Variants in PLEKHG3 observed in about 807,000 individuals in gnomAD.
PLEKHG3 encodes the protein pleckstrin homology domain-containing family G member 3.
A neutral mutation model predicts 94.9 loss-of-function variants in PLEKHG3; 62 were observed. The ratio of observed to expected loss-of-function variants is 0.65; its 90% CI spans 0.53 to 0.81. PLEKHG3 has a LOEUF of 0.81. Among genes scored for constraint, PLEKHG3 ranks in the 30% least tolerant of loss-of-function variants. The pLI, the probability that PLEKHG3 is intolerant of heterozygous loss-of-function variation, is 0.00. For synonymous variants in PLEKHG3, 614 were observed against 654.0 expected, an observed-to-expected ratio of 0.94 and a Z score of 0.93; for missense variants, 1,461 against 1,619.3, an observed-to-expected ratio of 0.90 and a Z score of 1.68.
Position 64,749,602 on chromosome 14 carries a change from C to T in PLEKHG3, c.*5899C>T. 1.2e-6 allele frequency: 2 copies of T among 1,611,372 alleles called. No homozygotes were observed. Among genetic ancestry groups the T allele is most frequent in the Non-Finnish European group, 1.7e-6 (2 of 1,179,484 alleles). ...GCCTCCAGGGCAAGCGGCCTGGGGT[C>T]CTCCACCTACCCCCTTCTTAGCCAG... On this transcript the variant is annotated 3_prime_UTR_variant, in exon 17 of 17. Transcript: ENST00000247226. This position sits in a 1 kb window ranked among gnomAD's most constrained non-coding sequence, Gnocchi z 4.7.
rs138167918 is a variant in PLEKHG3 at position 64,742,341 on chromosome 14, C to G, written c.2824C>G (p.Pro942Ala). 142 of 1,613,082 alleles carry G rather than the reference C, an allele frequency of 8.8e-5. No individual in the cohort carries two copies. In the African/African-American group the frequency reaches 1.0e-3, roughly 11 times the overall value. ...CAGCCTCCGGATCAAGAGCAACAAG[C>G]CAGTGATGGCCAGGCCACCACTGCA... Reference protein sequence around the residue: ...QYSLRIKSNKPVMARPPLQWE... With the variant: ...QYSLRIKSNKAVMARPPLQWE... The change falls in exon 16 of 17, where the codon CCA becomes GCA. Residue 942 changes from proline (P) to alanine (A), a missense_variant. By Grantham distance (27) the Pro-to-Ala change is conservative (BLOSUM62 -1). Transcript: ENST00000247226.
intron 12 of PLEKHG3, among the ~76,000 whole-genome samples, chr14:64,735,235 T>G (rs1202522938): frequency 6.6e-6 from 1 of 152,200 alleles, no homozygotes; most frequent in African/African-American, 2.4e-5. Context: ...TTCACGGTTC[T>G]TCTGTAACAC....
In PLEKHG3 at chr14:64,730,839, C is replaced by A. The variant is rs2081444354; in HGVS notation, c.607C>A (p.Gln203Lys). 2 of 1,613,556 alleles carry A rather than the reference C, an allele frequency of 1.2e-6. No individual in the cohort carries two copies. Among genetic ancestry groups the A allele is most frequent in the Admixed American group, 1.7e-5 (1 of 60,024 alleles). Reference protein sequence around the residue: ...ALTECMRDKQQAKFFRDRQEL... With the variant: ...ALTECMRDKQKAKFFRDRQEL... ...GACGGAATGCATGCGGGACAAGCAGCAGGCCAAGTTCTTTCGGGACCGGCA... is the reference window on the plus strand; with the variant it reads ...GACGGAATGCATGCGGGACAAGCAGAAGGCCAAGTTCTTTCGGGACCGGCA... The change falls in exon 6 of 17, where the codon CAG becomes AAG. Residue 203 changes from glutamine (Q) to lysine (K), a missense_variant. Physicochemically the swap from Gln to Lys is moderately conservative, Grantham distance 53. Transcript: ENST00000247226. The surrounding 1 kb of genome is among the most constrained non-coding windows in gnomAD (Gnocchi z 5.4).
rs1170587496 is a variant in PLEKHG3 at position 64,715,135 on chromosome 14, A to T, written c.-40+10431A>T. Among the ~76,000 whole-genome samples the T allele has an allele frequency of 6.6e-6, 1 of 152,172 alleles. No individual in the cohort carries two copies. The highest frequency in any genetic ancestry group is 1.5e-5 in the Non-Finnish European group (1 of 68,024). ...TTTTGGAGGCATCTACAGGTGAGTT[A>T]TGAATTCCCAGGTGACTCTATTTGG... On this transcript the variant is annotated intron_variant, in intron 1 of 16. Coordinates refer to ENST00000247226, the MANE Select transcript of PLEKHG3 (RefSeq NM_001308147.2). This position sits in a 1 kb window ranked among gnomAD's most constrained non-coding sequence, Gnocchi z 4.4.
At position 64,741,332 on chromosome 14, in the gene PLEKHG3, T is replaced by C. The variant is rs1363587346; in HGVS notation, c.1815T>C (p.Ile605=). The change falls in exon 16 of 17, where the codon ATT becomes ATC. Residue 605 remains isoleucine, a synonymous_variant. Transcript: ENST00000247226. ...CTGTGCTGGACCAGGCCAGCGTCAT[T>C]GCGGAGCGATTTGTCAGCAGCTTCT... is the stretch of plus-strand genomic sequence containing the variant. ...PPSVLDQASV[I]AERFVSSFSR... The C allele has an allele frequency of 1.9e-6, 3 of 1,613,514 alleles. No individual in the cohort carries two copies. Among genetic ancestry groups the C allele is most frequent in the African/African-American group, 2.7e-5 (2 of 74,996 alleles).
chr14:64,722,499 C>T lies in PLEKHG3; in HGVS notation c.-39-5094C>T, dbSNP rs1555359999. 6.6e-6 allele frequency among the ~76,000 whole-genome samples: 1 copy of T among 152,168 alleles called. No individual in the cohort carries two copies. Among genetic ancestry groups the T allele is most frequent in the Non-Finnish European group, 1.5e-5 (1 of 68,036 alleles). The stretch of plus-strand genomic sequence containing the variant: ...CCTCCCAAAGTGCTGGGATTACAGG[C>T]GTGAGCCACTGCGCCTGGCCACGAG... On this transcript the variant is annotated intron_variant, in intron 1 of 16. Coordinates refer to ENST00000247226, the MANE Select transcript of PLEKHG3 (RefSeq NM_001308147.2). The surrounding 1 kb of genome is among the most constrained non-coding windows in gnomAD (Gnocchi z 4.3).
In PLEKHG3 at chr14:64,738,923, A is replaced by T. The variant is rs898267525; in HGVS notation, c.1518+68A>T. 3 of 1,003,828 alleles carry T rather than the reference A, an allele frequency of 3.0e-6. No homozygotes were observed. Among genetic ancestry groups the T allele is most frequent in the Non-Finnish European group, 4.6e-6 (3 of 648,856 alleles). 62.2% of individuals were successfully genotyped at this position (1,003,828 alleles called of 1,614,324 possible). A position where few individuals can be genotyped will look rare whatever the true frequency, so the allele number is the denominator to read the frequency against. On this transcript the variant is annotated intron_variant, in intron 15 of 16. Coordinates refer to ENST00000247226, the MANE Select transcript of PLEKHG3 (RefSeq NM_001308147.2). This position sits in a 1 kb window ranked among gnomAD's most constrained non-coding sequence, Gnocchi z 4.8. Reference sequence around the variant, plus strand: ...GGAGTCCAGATTTTCAAGTCTGCAAATAGGGCTTTCAGGCACAGGCTCTCC... The same window carrying T: ...GGAGTCCAGATTTTCAAGTCTGCAATTAGGGCTTTCAGGCACAGGCTCTCC...
chr14:64,727,496 T>TTCCCCCCCCCCCC lies in PLEKHG3; in HGVS notation c.-39-93_-39-92insCCCCCCCCCTCCC. The TTCCCCCCCCCCCC allele has an allele frequency of 3.4e-6, 2 of 588,606 alleles. No individual in the cohort carries two copies. Among genetic ancestry groups the TTCCCCCCCCCCCC allele is most frequent in the Admixed American group, 3.0e-5 (1 of 33,874 alleles). The allele number at this position is 588,606 out of a possible 1,614,324, so 36.5% of individuals were successfully genotyped here. ...AACTCTGGATGCACTAAATAATACC[T>TTCCCCCCCCCCCC]TCCCACCCCACCTGCCCCCACCCCT... On this transcript the variant is annotated intron_variant, in intron 1 of 16. Transcript: ENST00000247226. This position sits in a 1 kb window ranked among gnomAD's most constrained non-coding sequence, Gnocchi z 6.0.
intron 12 of PLEKHG3, among the ~76,000 whole-genome samples, chr14:64,736,091 G>A (rs374171863): frequency 2.0e-4 from 30 of 152,332 alleles, no homozygotes; most frequent in South Asian, 6.2e-4. Context: ...AAATCATGGC[G>A]ATCCCTGGGC....
rs951951524 is a variant in PLEKHG3 at position 64,741,458 on chromosome 14, C to A, written c.1941C>A (p.Ser647Arg). 7 of 1,612,656 alleles carry A rather than the reference C, an allele frequency of 4.3e-6. No individual in the cohort carries two copies. The highest frequency in any genetic ancestry group is 5.9e-6 in the Non-Finnish European group (7 of 1,179,978). The change falls in exon 16 of 17, where the codon AGC becomes AGA. Residue 647 changes from serine (S) to arginine (R), a missense_variant. By Grantham distance (110) the Ser-to-Arg change is moderately radical. Coordinates refer to ENST00000247226, the MANE Select transcript of PLEKHG3 (RefSeq NM_001308147.2). ...RSSSVLSLEGSEKGLARHGSA... is the reference protein window; with the variant it reads ...RSSSVLSLEGREKGLARHGSA... ...GCAGCGTGCTCAGCCTGGAGGGCAG[C>A]GAGAAGGGCCTGGCCCGGCATGGCA... is the stretch of plus-strand genomic sequence containing the variant.
Position 64,722,487 on chromosome 14 carries a change from T to C in PLEKHG3, c.-39-5106T>C, listed in dbSNP as rs2081278938. On this transcript the variant is annotated intron_variant, in intron 1 of 16. Transcript: ENST00000247226. The surrounding 1 kb of genome is among the most constrained non-coding windows in gnomAD (Gnocchi z 4.3). ...CGCCCACCTCGGCCTCCCAAAGTGCTGGGATTACAGGCGTGAGCCACTGCG... is the reference window on the plus strand; with the variant it reads ...CGCCCACCTCGGCCTCCCAAAGTGCCGGGATTACAGGCGTGAGCCACTGCG... Among the ~76,000 whole-genome samples, 1 of 152,206 alleles carries C rather than the reference T, an allele frequency of 6.6e-6. No homozygotes were observed. The highest frequency in any genetic ancestry group is 2.4e-5 in the African/African-American group (1 of 41,444).
chr14:64,749,681 G>C lies in PLEKHG3; in HGVS notation c.*5978G>C. On this transcript the variant is annotated 3_prime_UTR_variant, in exon 17 of 17. Coordinates refer to ENST00000247226, the MANE Select transcript of PLEKHG3 (RefSeq NM_001308147.2). The surrounding 1 kb of genome is among the most constrained non-coding windows in gnomAD (Gnocchi z 4.7). ...CATCCTTGCCATGGAAGAGCCACTC[G>C]CTGCCATTACTCAGCCTAGGAGGAC... 2 of 1,613,788 alleles carry C rather than the reference G, an allele frequency of 1.2e-6. No individual in the cohort carries two copies. The highest frequency in any genetic ancestry group is 1.7e-6 in the Non-Finnish European group (2 of 1,179,968).
intron 12 of PLEKHG3, among the ~76,000 whole-genome samples, chr14:64,736,135 A>G (rs1411278460): frequency 2.0e-5 from 3 of 152,334 alleles, no homozygotes; most frequent in South Asian, 4.1e-4. Context: ...AAGGATATGG[A>G]TAGGCGAAGG....
rs1352574065 is a variant in PLEKHG3 at position 64,730,269 on chromosome 14, G to A, written c.476G>A (p.Cys159Tyr). The A allele has an allele frequency of 1.3e-5, 20 of 1,535,086 alleles. No individual in the cohort carries two copies. In the South Asian group the frequency reaches 2.4e-4, roughly 18 times the overall value. Residue 159 changes from cysteine (C) to tyrosine (Y), a missense_variant, in exon 4 of 17, where the codon TGC (cysteine) becomes TAC (tyrosine). Cys to Tyr is a radical substitution (Grantham distance 194). Transcript: ENST00000247226. The surrounding 1 kb of genome is among the most constrained non-coding windows in gnomAD (Gnocchi z 5.4). ...NSQLLRDLDS[C>Y]NSDPVAVASC... ...CAGCTCCTCAGAGACCTGGACAGCT[G>A]CAATAGTGACCCCGTGGCTGTGGCC... is the stretch of plus-strand genomic sequence containing the variant.
rs2081407116 is a variant in PLEKHG3, at chr14:64,729,078, T to C, written c.434T>C (p.Ile145Thr). 2.0e-6 allele frequency: 3 copies of C among 1,492,708 alleles called. No individual in the cohort carries two copies. The highest frequency in any genetic ancestry group is 2.0e-5 in the Admixed American group (1 of 50,820). 92.5% of individuals were successfully genotyped at this position (1,492,708 alleles called of 1,614,324 possible). Residue 145 changes from isoleucine (I) to threonine (T), a missense_variant, in exon 3 of 17, where the codon ATC becomes ACC. This residue lies in a region of PLEKHG3 where 253 missense variants were observed against 297.8 expected (regional missense o/e 0.85). Transcript: ENST00000247226. ...VSALFGNIEN[I>T]YALNSQLLRD... ...GCCCTCTTTGGGAACATAGAAAATA[T>C]CTACGCGCTGAACAGGTGTGTGAAT...
At position 64,723,563 on chromosome 14, in the gene PLEKHG3, C is replaced by T. The variant is rs952709497; in HGVS notation, c.-39-4030C>T. 1.2e-4 allele frequency among the ~76,000 whole-genome samples: 19 copies of T among 152,030 alleles called. 1 individual carries two copies. Among genetic ancestry groups the T allele is most frequent in the South Asian group, 4.2e-4 (2 of 4,816 alleles). ...TCACCCAGGCTGGAGTACAGTGGCG[C>T]GATCTCAGCTCACTGAAACATCTGC... On this transcript the variant is annotated intron_variant, in intron 1 of 16. Coordinates refer to ENST00000247226, the MANE Select transcript of PLEKHG3 (RefSeq NM_001308147.2). This position sits in a 1 kb window ranked among gnomAD's most constrained non-coding sequence, Gnocchi z 4.5.
rs1256236210 is a variant in PLEKHG3 at position 64,722,828 on chromosome 14, T to C, written c.-39-4765T>C. On this transcript the variant is annotated intron_variant, in intron 1 of 16. Transcript: ENST00000247226. This position sits in a 1 kb window ranked among gnomAD's most constrained non-coding sequence, Gnocchi z 4.3. ...GCCTGGGAGGGAGAGCCAGTGGGAGTGGGCTGACTCCTGGGCATTCCCCAA... is the reference window on the plus strand; with the variant it reads ...GCCTGGGAGGGAGAGCCAGTGGGAGCGGGCTGACTCCTGGGCATTCCCCAA... 6.6e-6 allele frequency among the ~76,000 whole-genome samples: 1 copy of C among 151,904 alleles called. No individual in the cohort carries two copies. The highest frequency in any genetic ancestry group is 2.4e-5 in the African/African-American group (1 of 41,328).
chr14:64,734,086 T>A (rs377523343), intron 12 of PLEKHG3, among the ~76,000 whole-genome samples: 2 of 152,178 alleles, frequency 1.3e-5, no homozygotes, highest in South Asian at 4.1e-4. Flanking sequence ...TGGATTGACA[T>A]GTGGGTGTTA....
rs1412067097 is a variant in PLEKHG3, at chr14:64,730,996, G to A, written c.718-42G>A. On this transcript the variant is annotated intron_variant, in intron 6 of 16. Transcript: ENST00000247226. This position sits in a 1 kb window ranked among gnomAD's most constrained non-coding sequence, Gnocchi z 5.4. ...GCACCTAGGGCCTGGGGAGGGCAGG[G>A]CCTTCGGGTCAGGGGCACCTAAGCG... 6.8e-6 allele frequency: 11 copies of A among 1,613,666 alleles called. No individual in the cohort carries two copies. The highest frequency in any genetic ancestry group is 7.6e-6 in the Non-Finnish European group (9 of 1,180,014).
Sources: allele counts gnomAD v4.1 joint callset (sites outside exome capture counted in the v4.1 genomes callset), GRCh38; gene constraint gnomAD v4.1.1; regional missense constraint gnomAD v4.1.1; non-coding constraint Gnocchi (gnomAD v3.1); transcripts MANE v1.5; gene names NCBI Gene and HGNC (gene_info 2026-07-23, HGNC 2026-07-21).